Variants in ZNF347 observed in about 807,000 individuals in gnomAD.
ZNF347 encodes zinc finger protein 347.
In ZNF347, 19 loss-of-function variants were observed where a neutral mutation model predicts 12.9. That is an observed-to-expected ratio of 1.47 (90% CI 1.03 to 2.16). The LOEUF is 2.16. Ranked by LOEUF, ZNF347 falls within the 30% of genes most tolerant of loss-of-function variation. ZNF347 has a pLI of 0.00. For missense variants in ZNF347, 1,005 were observed against 990.6 expected (o/e 1.01, Z -0.19); for synonymous variants, 328 against 340.6 (o/e 0.96, Z 0.41).
rs2090411805 is a variant in ZNF347 at position 53,140,281 on chromosome 19, C to T, written c.*27G>A. Reference sequence around the variant, plus strand: ...AATGAATTCTAACTGCAAAAGTTACCACCTTCATTTGTAAGGTTTCTCTCC... The same window carrying T: ...AATGAATTCTAACTGCAAAAGTTACTACCTTCATTTGTAAGGTTTCTCTCC... On this transcript the variant is annotated 3_prime_UTR_variant, in exon 5 of 5. Transcript: ENST00000334197. 1.3e-6 allele frequency: 2 copies of T among 1,515,158 alleles called. No individual in the cohort carries two copies. The highest frequency in any genetic ancestry group is 1.4e-5 in the African/African-American group (1 of 71,626). The allele number at this position is 1,515,158 out of a possible 1,614,324, so 93.9% of individuals were successfully genotyped here.
chr19:53,156,047 G>GGGGGGC (rs1555802206), intron 1 of ZNF347, among the ~76,000 whole-genome samples: 1 of 108,536 alleles, frequency 9.2e-6, no homozygotes. Flanking sequence ...TCCCAGCTCG[G>GGGGGGC]GGGGGGGGGG....
In ZNF347 at chr19:53,149,311, G is replaced by T; in HGVS notation, c.72C>A (p.Cys24Ter). Reference sequence around the variant, plus strand: ...ACAAAGTCCTCTGAGCGGGGTCCAGGCATGTCCACTCCTCCTGAGAGAATT... The same window carrying T: ...ACAAAGTCCTCTGAGCGGGGTCCAGTCATGTCCACTCCTCCTGAGAGAATT... ...AIEFSQEEWT[C>*]LDPAQRTLYR... is the part of the protein sequence containing the mutation. Residue 24 changes from cysteine to a stop codon, truncating the protein, a stop_gained, in exon 3 of 5, where the codon TGC becomes TGA. Coordinates refer to ENST00000334197, the MANE Select transcript of ZNF347 (RefSeq NM_032584.3). LOFTEE classifies it high-confidence loss of function. 1 of 1,613,948 alleles carries T rather than the reference G, an allele frequency of 6.2e-7. No homozygotes were observed. Among genetic ancestry groups the T allele is most frequent in the Non-Finnish European group, 8.5e-7 (1 of 1,179,936 alleles).
chr19:53,141,824 T>C lies in ZNF347; in HGVS notation c.1004A>G (p.His335Arg). ...VFSRNSQLSQ[H>R]QKIHTGEKPY... ...TTTCTCTCCAGTGTGAATTTTCTGATGTTGTGAGAGTTGTGAATTTCGACT... is the reference window on the plus strand; with the variant it reads ...TTTCTCTCCAGTGTGAATTTTCTGACGTTGTGAGAGTTGTGAATTTCGACT... Residue 335 changes from histidine to arginine, a missense_variant, in exon 5 of 5, where the codon CAT becomes CGT. Transcript: ENST00000334197. The C allele has an allele frequency of 1.2e-6, 2 of 1,614,080 alleles. No homozygotes were observed. The highest frequency in any genetic ancestry group is 1.1e-5 in the South Asian group (1 of 91,052).
chr19:53,155,524 G>A (rs1003408899), intron 1 of ZNF347, among the ~76,000 whole-genome samples: 2 of 150,996 alleles, frequency 1.3e-5, no homozygotes, highest in East Asian at 2.0e-4. Context: ...TCGTAGAGAC[G>A]GAGTCTTGCT....
At chr19:53,144,634 T>C (rs1185304460) in intron 4 of ZNF347, among the ~76,000 whole-genome samples, 3 of 152,174 alleles carry the variant, frequency 2.0e-5, no homozygotes, top group Non-Finnish European at 4.4e-5. Flanking sequence ...ATTTTTTTTC[T>C]ATTTTAAACA....
chr19:53,157,491 C>T (rs1232355527), intron 1 of ZNF347, among the ~76,000 whole-genome samples: 1 of 152,044 alleles, frequency 6.6e-6, no homozygotes, highest in Non-Finnish European at 1.5e-5. Flanking sequence ...TGCTATTTCT[C>T]CCCTTCTTCC....
intron 4 of ZNF347, among the ~76,000 whole-genome samples, chr19:53,143,715 T>G (rs530633423): frequency 1.1e-3 from 170 of 152,308 alleles, no homozygotes; most frequent in African/African-American, 3.8e-3. Context: ...TATAGCAGCA[T>G]GATTTATAAT....
chr19:53,139,372 T>C lies in ZNF347; in HGVS notation c.*936A>G, dbSNP rs1300407853. 2 of 152,196 alleles carry C rather than the reference T, an allele frequency of 1.3e-5. No homozygotes were observed. Among genetic ancestry groups the C allele is most frequent in the Non-Finnish European group, 2.9e-5 (2 of 68,030 alleles). The allele number at this position is 152,196 out of a possible 1,614,324, so 9.4% of individuals were successfully genotyped here. On this transcript the variant is annotated 3_prime_UTR_variant, in exon 5 of 5. Coordinates refer to ENST00000334197, the MANE Select transcript of ZNF347 (RefSeq NM_032584.3). Reference sequence around the variant, plus strand: ...ATGGATAAAAATGATCCTCATGTAATGAAGTAAGCCTTTCCATACTGTGGT... The same window carrying C: ...ATGGATAAAAATGATCCTCATGTAACGAAGTAAGCCTTTCCATACTGTGGT...
rs1477953188 is a variant in ZNF347 at position 53,141,140 on chromosome 19, T to C, written c.1688A>G (p.His563Arg). Reference protein sequence around the residue: ...YSSLTTHQVIHTGEKPYKCNE... With the variant: ...YSSLTTHQVIRTGEKPYKCNE... ...ACATTTGTAAGGTTTTTCTCCAGTA[T>C]GGATGACCTGATGGGTAGTTAGGCT... The change falls in exon 5 of 5, where the codon CAT becomes CGT. Residue 563 changes from histidine (H) to arginine (R), a missense_variant. By Grantham distance (29) the His-to-Arg change is conservative (BLOSUM62 0). Coordinates refer to ENST00000334197, the MANE Select transcript of ZNF347 (RefSeq NM_032584.3). 5.6e-6 allele frequency: 9 copies of C among 1,613,964 alleles called. No homozygotes were observed. The highest frequency in any genetic ancestry group is 6.8e-6 in the Non-Finnish European group (8 of 1,179,964).
At chr19:53,155,023 C>T (rs887329796) in intron 1 of ZNF347, among the ~76,000 whole-genome samples, 11 of 151,668 alleles carry the variant, frequency 7.3e-5, no homozygotes, top group East Asian at 3.9e-4. Context: ...CCGTAACCTC[C>T]GCCTCCCAGG....
chr19:53,143,749 G>C (rs1363055091), intron 4 of ZNF347, among the ~76,000 whole-genome samples: 4 of 152,100 alleles, frequency 2.6e-5, no homozygotes, highest in Admixed American at 2.6e-4. Context: ...ACCCAGTAAT[G>C]GGATTGCTGG....
In ZNF347 at chr19:53,140,122, A is replaced by G. The variant is rs756857653; in HGVS notation, c.*186T>C. 3.0e-5 allele frequency: 17 copies of G among 568,042 alleles called. No homozygotes were observed. Among genetic ancestry groups the G allele is most frequent in the Non-Finnish European group, 5.1e-5 (17 of 331,002 alleles). 35.2% of individuals were successfully genotyped at this position (568,042 alleles called of 1,614,324 possible). Reference sequence around the variant, plus strand: ...GCCATGTTGGTCAGGCTGGTCTTGAACTCCTGACCTCAGGTGATCCACCTG... The same window carrying G: ...GCCATGTTGGTCAGGCTGGTCTTGAGCTCCTGACCTCAGGTGATCCACCTG... On this transcript the variant is annotated 3_prime_UTR_variant, in exon 5 of 5. Coordinates refer to ENST00000334197, the MANE Select transcript of ZNF347 (RefSeq NM_032584.3).
At chr19:53,149,901 C>T (rs2090487020) in intron 2 of ZNF347, among the ~76,000 whole-genome samples, 1 of 152,128 alleles carries the variant, frequency 6.6e-6, no homozygotes, top group African/African-American at 2.4e-5. Context: ...TACAGGCATG[C>T]ACCACCACGC....
chr19:53,156,090 C>T (rs1378782962), intron 1 of ZNF347, among the ~76,000 whole-genome samples: 2 of 138,684 alleles, frequency 1.4e-5, no homozygotes, highest in African/African-American at 5.6e-5. Flanking sequence ...TTTCATTCAA[C>T]TCTGATATTA....
chr19:53,144,562 A>T (rs1238330076), intron 4 of ZNF347, among the ~76,000 whole-genome samples: 3 of 149,692 alleles, frequency 2.0e-5, no homozygotes, highest in South Asian at 2.1e-4. Context: ...GAAAACCAAT[A>T]AAAAAAAAAT....
intron 4 of ZNF347, among the ~76,000 whole-genome samples, chr19:53,146,062 G>A (rs1175980978): frequency 6.6e-6 from 1 of 151,434 alleles, no homozygotes; most frequent in East Asian, 2.0e-4. Context: ...CATAACCTCT[G>A]CCTCCCAAGT....
chr19:53,149,546 T>G, intron 2 of ZNF347, 179 bp from the exon 3 acceptor site: 3 of 1,264,178 alleles, frequency 2.4e-6, no homozygotes, highest in Non-Finnish European at 3.1e-6. Flanking sequence ...TTGGAATCTC[T>G]GGAGTGATAA....
rs752145434 is a variant in ZNF347 at position 53,142,413 on chromosome 19, G to A, written c.415C>T (p.His139Tyr). 1.9e-6 allele frequency: 3 copies of A among 1,613,956 alleles called. No homozygotes were observed. Among genetic ancestry groups the A allele is most frequent in the Middle Eastern group, 1.6e-4 (1 of 6,080 alleles). Residue 139 changes from histidine (H) to tyrosine (Y), a missense_variant, in exon 5 of 5, where the codon CAT becomes TAT. By Grantham distance (83) the His-to-Tyr change is moderately conservative (BLOSUM62 2). Transcript: ENST00000334197. ...CSFREVQKNT[H>Y]GLEYQCRDAE... is the part of the protein sequence containing the mutation. ...TCTCTGCATTGATACTCAAGGCCAT[G>A]TGTATTTTTCTGGACTTCCCTGAAG...
At chr19:53,148,982 A>G in intron 3 of ZNF347, 173 bp from the exon 4 acceptor site, 3 of 1,081,134 alleles carry the variant, frequency 2.8e-6, no homozygotes, top group Non-Finnish European at 3.9e-6. Context: ...GCAAATATAT[A>G]GCTCTCATCC....
Sources: allele counts gnomAD v4.1 joint callset (sites outside exome capture counted in the v4.1 genomes callset), GRCh38; gene constraint gnomAD v4.1.1; transcripts MANE v1.5; gene names NCBI Gene and HGNC (gene_info 2026-07-23, HGNC 2026-07-21).